The following RASGRF2 variants were observed in gnomAD, a reference collection of about 807,000 sequenced individuals.
The protein encoded by RASGRF2 is Ras protein specific guanine nucleotide releasing factor 2.
In RASGRF2, 76 loss-of-function variants were observed where a neutral mutation model predicts 151.0. The observed-to-expected ratio is 0.50, with a 90% CI of 0.42 to 0.61. The LOEUF (loss-of-function observed/expected upper bound fraction) is 0.61. Ranked by LOEUF, RASGRF2 falls within the 20% of genes least tolerant of loss-of-function variation. The pLI is 0.00. For missense variants in RASGRF2, 1,148 were observed against 1,564.6 expected (o/e 0.73, Z 4.49); for synonymous variants, 504 against 566.5 (o/e 0.89, Z 1.57).
At chr5:81,108,587 C>T (rs1465470069) in intron 12 of RASGRF2, among the ~76,000 whole-genome samples, 1 of 152,144 alleles carries the variant, frequency 6.6e-6, no homozygotes, top group African/African-American at 2.4e-5. Flanking sequence ...TACTCTACAC[C>T]ACCCCCTGGT....
At chr5:81,190,697 T>C (rs1755137122) in intron 18 of RASGRF2, among the ~76,000 whole-genome samples, 1 of 152,234 alleles carries the variant, frequency 6.6e-6, no homozygotes, top group African/African-American at 2.4e-5. Context: ...CCAAAGTTTT[T>C]TCTTATTTTT....
chr5:81,191,770 G>T (rs1031753386), intron 18 of RASGRF2, among the ~76,000 whole-genome samples: 1 of 152,166 alleles, frequency 6.6e-6, no homozygotes, highest in Admixed American at 6.5e-5. Context: ...TGATTCCGGG[G>T]TTGTGGGGCA....
intron 1 of RASGRF2, among the ~76,000 whole-genome samples, chr5:81,035,840 G>A (rs1250116449): frequency 6.6e-6 from 1 of 152,108 alleles, no homozygotes; most frequent in Non-Finnish European, 1.5e-5. Flanking sequence ...AGAGAATAGG[G>A]GGCATGGCAA....
At chr5:81,115,189 G>A (rs954806072) in intron 15 of RASGRF2, among the ~76,000 whole-genome samples, 1 of 152,110 alleles carries the variant, frequency 6.6e-6, no homozygotes, top group Non-Finnish European at 1.5e-5. Context: ...TGTGCTTCTA[G>A]CTCAGATCAT....
chr5:81,073,223 T>C lies in RASGRF2; in HGVS notation c.658T>C (p.Leu220=), dbSNP rs1349048638. 1.2e-6 allele frequency: 2 copies of C among 1,614,036 alleles called. No homozygotes were observed. Among genetic ancestry groups the C allele is most frequent in the Non-Finnish European group, 1.7e-6 (2 of 1,179,978 alleles). The change falls in exon 5 of 27, where the codon TTG becomes CTG. Residue 220 remains leucine, a synonymous_variant. Transcript: ENST00000265080. ...GGTTCAGAGCTTCATGCGAGGATGG[T>C]TGTGCAGAAGGAAATGGAAGACCAT... is the stretch of plus-strand genomic sequence containing the variant. The part of the protein sequence containing the change: ...KKVQSFMRGW[L]CRRKWKTIVQ...
chr5:81,046,294 C>G (rs1750834230), intron 2 of RASGRF2, among the ~76,000 whole-genome samples: 1 of 152,056 alleles, frequency 6.6e-6, no homozygotes, highest in African/African-American at 2.4e-5. Context: ...TATCTCAGAG[C>G]AGAATCTACT....
intron 9 of RASGRF2, among the ~76,000 whole-genome samples, chr5:81,089,241 T>C (rs1172535756): frequency 6.6e-6 from 1 of 152,208 alleles, no homozygotes; most frequent in African/African-American, 2.4e-5. Context: ...AGAGGGATTC[T>C]TATTTTCTAT....
At chr5:81,120,305 G>T (rs973442744) in intron 15 of RASGRF2, among the ~76,000 whole-genome samples, 1 of 152,150 alleles carries the variant, frequency 6.6e-6, no homozygotes, top group Non-Finnish European at 1.5e-5. Flanking sequence ...AGCTGGACAT[G>T]GTGGCTCATG....
At chr5:81,158,192 A>G (rs1445326991) in intron 17 of RASGRF2, among the ~76,000 whole-genome samples, 1 of 152,224 alleles carries the variant, frequency 6.6e-6, no homozygotes, top group Non-Finnish European at 1.5e-5. Context: ...GATCAATGGA[A>G]CTGAATTCCA....
intron 23 of RASGRF2, among the ~76,000 whole-genome samples, chr5:81,213,179 C>T (rs1293054345): frequency 2.6e-5 from 4 of 152,126 alleles, no homozygotes; most frequent in African/African-American, 4.8e-5. Flanking sequence ...CTTTTGGGCA[C>T]CTGTCTGCTC....
chr5:81,142,005 G>A (rs1753895838), intron 17 of RASGRF2, among the ~76,000 whole-genome samples: 1 of 152,192 alleles, frequency 6.6e-6, no homozygotes, highest in Non-Finnish European at 1.5e-5. Context: ...AGAACACTCA[G>A]CACTGTTTAA....
chr5:81,118,636 A>C (rs1401219602), intron 15 of RASGRF2, among the ~76,000 whole-genome samples: 1 of 152,210 alleles, frequency 6.6e-6, no homozygotes, highest in Non-Finnish European at 1.5e-5. Context: ...TTGCACTCCC[A>C]AAAAGGCCTT....
chr5:80,988,744 C>T (rs1298738445), intron 1 of RASGRF2, among the ~76,000 whole-genome samples: 1 of 152,154 alleles, frequency 6.6e-6, no homozygotes, highest in African/African-American at 2.4e-5. Context: ...GCTTAACAAA[C>T]ATTCCTTAAA....
chr5:81,165,428 G>C (rs1476076966), intron 17 of RASGRF2, among the ~76,000 whole-genome samples: 1 of 152,168 alleles, frequency 6.6e-6, no homozygotes, highest in East Asian at 1.9e-4. Flanking sequence ...ATGCAGGGAG[G>C]TATAAATGTA....
At chr5:81,184,933 G>A (rs751056107) in intron 18 of RASGRF2, among the ~76,000 whole-genome samples, 2 of 152,252 alleles carry the variant, frequency 1.3e-5, no homozygotes, top group Non-Finnish European at 2.9e-5. Flanking sequence ...ACGTAATTAT[G>A]TGTGTGGCCG....
intron 18 of RASGRF2, among the ~76,000 whole-genome samples, chr5:81,196,257 AAAAC>A (rs1329850992): frequency 6.6e-6 from 1 of 152,248 alleles, no homozygotes; most frequent in Non-Finnish European, 1.5e-5. Context: ...CTCTGTCTCA[AAAAC>A]AAACAAATAA....
At chr5:81,119,633 T>C (rs1194725929) in intron 15 of RASGRF2, among the ~76,000 whole-genome samples, 2 of 152,182 alleles carry the variant, frequency 1.3e-5, no homozygotes, top group Non-Finnish European at 2.9e-5. Context: ...GTACAGATAT[T>C]GGACAGAGTG....
At chr5:81,001,113 A>G in intron 1 of RASGRF2, among the ~76,000 whole-genome samples, 1 of 152,226 alleles carries the variant, frequency 6.6e-6, no homozygotes, top group East Asian at 1.9e-4. Flanking sequence ...TGAAGCTGAT[A>G]TTTGGATCCT....
chr5:81,034,477 C>T (rs1458518127), intron 1 of RASGRF2, among the ~76,000 whole-genome samples: 98 of 151,996 alleles, frequency 6.4e-4, no homozygotes, highest in African/African-American at 2.3e-3. Context: ...ATAAATCATG[C>T]TGCTATAAAG....
Sources: allele counts gnomAD v4.1 joint callset (sites outside exome capture counted in the v4.1 genomes callset), GRCh38; gene constraint gnomAD v4.1.1; transcripts MANE v1.5; gene names NCBI Gene and HGNC (gene_info 2026-07-23, HGNC 2026-07-21).